Variants in PRPF3 observed in about 807,000 individuals in gnomAD.
PRPF3 encodes pre-mRNA processing factor 3.
In PRPF3, 3 loss-of-function variants were observed where a neutral mutation model predicts 89.2. The observed-to-expected ratio is 0.03, with a 90% confidence interval of 0.02 to 0.09. The LOEUF (loss-of-function observed/expected upper bound fraction) is 0.09, where lower values mean the gene tolerates loss of function less well. Among genes scored for constraint, PRPF3 ranks in the 10% least tolerant of loss-of-function variants. The probability of loss-of-function intolerance (pLI) is 1.00; values close to 1 mark genes in which losing one functional copy is unlikely to be tolerated. For synonymous variants in PRPF3, 270 were observed against 289.1 expected (o/e 0.93, Z 0.67); for missense variants, 463 against 828.8 (o/e 0.56, Z 5.42).
At chr1:150,344,301 C>T (rs1334127711) in intron 11 of PRPF3, 40 bp downstream of exon 11, 2 of 1,613,540 alleles carry the variant, frequency 1.2e-6, no homozygotes, top group African/African-American at 1.3e-5. Context: ...CGGGCAAGTA[C>T]CTTTCCCAAA....
intron 7 of PRPF3, 141 bp downstream of exon 7, chr1:150,335,382 C>T (rs1656852279): frequency 1.0e-6 from 1 of 994,102 alleles, no homozygotes; most frequent in South Asian, 1.4e-5. Context: ...GCACCAGGGA[C>T]TTGTTTCATG....
chr1:150,346,035 A>G lies in PRPF3; in HGVS notation c.1658A>G (p.Asn553Ser), dbSNP rs781938879. 3 of 1,614,126 alleles carry G rather than the reference A, an allele frequency of 1.9e-6. No homozygotes were observed. The South Asian group carries it at 3.3e-5, about 18-fold the overall frequency. Residue 553 changes from asparagine to serine, a missense_variant, in exon 13 of 16, where the codon AAC (asparagine) becomes AGC (serine). Coordinates refer to ENST00000324862, the MANE Select transcript of PRPF3 (RefSeq NM_004698.4). ...TTCTCCAGAGTTCGAAATTTGAGCA[A>G]CCCAGCCAAGAAGTTCAAGATTGAA... ...ISVYRVRNLS[N>S]PAKKFKIEAN...
chr1:150,345,674 A>G, intron 12 of PRPF3: 1 of 348,600 alleles, frequency 2.9e-6, no homozygotes, highest in Admixed American at 4.0e-5. Context: ...ATAAGAGTCT[A>G]AGGGTCTAGA....
rs1205858747 is a variant in PRPF3 at position 150,324,892 on chromosome 1, T to TTTTTA, written c.-48-3_-48-2insTTTTA. 8 of 1,580,224 alleles carry TTTTTA rather than the reference T, an allele frequency of 5.1e-6. No individual in the cohort carries two copies. Among genetic ancestry groups the TTTTTA allele is most frequent in the Non-Finnish European group, 6.9e-6 (8 of 1,164,126 alleles). ...CTCTAACTTGTCTCTTTTTTTTTTT[T>TTTTTA]AGGTGTAGTATTGAGTCCTGTTTGA... On this transcript the variant is annotated splice_region_variant and splice_polypyrimidine_tract_variant and intron_variant, in intron 1 of 15. Transcript: ENST00000324862.
At chr1:150,326,812 C>G (rs1441747054) in intron 3 of PRPF3, among the ~76,000 whole-genome samples, 1 of 152,110 alleles carries the variant, frequency 6.6e-6, no homozygotes, top group Non-Finnish European at 1.5e-5. Flanking sequence ...GCCTGTAATC[C>G]TAGCTACTTG....
At position 150,325,884 on chromosome 1, in the gene PRPF3, A is replaced by G; in HGVS notation, c.276+3A>G. ...GGAGCAGAAAACGAGAGCTAAAGGT[A>G]GGTTACAATTTACTGTCTAATGAGC... On this transcript the variant is annotated splice_donor_region_variant and intron_variant, in intron 3 of 15. Coordinates refer to ENST00000324862, the MANE Select transcript of PRPF3 (RefSeq NM_004698.4). 2 of 1,612,414 alleles carry G rather than the reference A, an allele frequency of 1.2e-6. No individual in the cohort carries two copies. The highest frequency in any genetic ancestry group is 1.7e-6 in the Non-Finnish European group (2 of 1,178,878).
chr1:150,325,916 C>G (rs781957039), intron 3 of PRPF3, 35 bp downstream of exon 3: 8 of 1,607,122 alleles, frequency 5.0e-6, no homozygotes, highest in Admixed American at 1.7e-5. Context: ...GAGCTCAGGA[C>G]TGTTTTGAAT....
At chr1:150,349,109 TA>T in intron 14 of PRPF3, 47 bp from the exon 15 acceptor site, 1 of 1,453,734 alleles carries the variant, frequency 6.9e-7, no homozygotes, top group Non-Finnish European at 9.7e-7. Flanking sequence ...ATTATTTGTT[TA>T]GAACCTGAAT....
chr1:150,333,292 C>G, intron 6 of PRPF3, 93 bp downstream of exon 6: 1 of 1,374,632 alleles, frequency 7.3e-7, no homozygotes, highest in Admixed American at 1.9e-5. Context: ...GGGCGCAGTG[C>G]CTCAGGCCTG....
intron 6 of PRPF3, among the ~76,000 whole-genome samples, chr1:150,333,483 C>A (rs1553866325): frequency 6.6e-6 from 1 of 152,156 alleles, no homozygotes; most frequent in Non-Finnish European, 1.5e-5. Flanking sequence ...AGGAGAATCG[C>A]TTGAACACAG....
In PRPF3 at chr1:150,343,424, G is replaced by A. The variant is rs1560112639; in HGVS notation, c.1398G>A (p.Leu466=). The change falls in exon 10 of 16, where the codon CTG becomes CTA. Residue 466 remains leucine (L), a synonymous_variant. Transcript: ENST00000324862. ...AQKELQEKVR[L]GLMPPPEPKV... ...AGGAACTACAAGAAAAAGTCAGGCT[G>A]GGCCTGATGCCTCCTCCAGAACCCA... is the stretch of plus-strand genomic sequence containing the variant. 1 of 1,605,348 alleles carries A rather than the reference G, an allele frequency of 6.2e-7. No homozygotes were observed. Among genetic ancestry groups the A allele is most frequent in the Non-Finnish European group, 8.5e-7 (1 of 1,173,944 alleles).
chr1:150,324,514 G>A (rs1655475907), intron 1 of PRPF3, among the ~76,000 whole-genome samples: 1 of 151,482 alleles, frequency 6.6e-6, no homozygotes, highest in Admixed American at 6.6e-5. Context: ...GCTGGGGAAT[G>A]CATTCCTGAT....
intron 1 of PRPF3, among the ~76,000 whole-genome samples, chr1:150,324,684 A>G (rs1215428443): frequency 2.0e-5 from 3 of 151,818 alleles, no homozygotes; most frequent in Non-Finnish European, 2.9e-5. Flanking sequence ...AGCTGGGATT[A>G]CAGGCACATG....
At chr1:150,352,098 T>C (rs1553874513) in intron 15 of PRPF3, among the ~76,000 whole-genome samples, 1 of 152,190 alleles carries the variant, frequency 6.6e-6, no homozygotes, top group Admixed American at 6.5e-5. Flanking sequence ...TCTGTTGTAA[T>C]TCTCTGCTGG....
intron 8 of PRPF3, among the ~76,000 whole-genome samples, chr1:150,338,999 G>A (rs1329019944): frequency 6.6e-6 from 1 of 151,848 alleles, no homozygotes; most frequent in Non-Finnish European, 1.5e-5. Flanking sequence ...ACGTATTATA[G>A]GTGTTTACAT....
At chr1:150,343,027 G>T (rs587642815) in intron 9 of PRPF3, 2 of 160,280 alleles carry the variant, frequency 1.2e-5, no homozygotes, top group South Asian at 3.9e-4. Flanking sequence ...TTTTATTGCT[G>T]TCCGGGCCTG....
chr1:150,338,473 A>AAATTGG, intron 8 of PRPF3, 147 bp downstream of exon 8: 1 of 789,978 alleles, frequency 1.3e-6, no homozygotes, highest in Non-Finnish European at 2.0e-6. Flanking sequence ...CAAGAGAGAT[A>AAATTGG]AGTAACTGTA....
At chr1:150,338,763 C>G (rs1368147371) in intron 8 of PRPF3, among the ~76,000 whole-genome samples, 3 of 152,092 alleles carry the variant, frequency 2.0e-5, no homozygotes, top group Non-Finnish European at 4.4e-5. Context: ...GATCCGCCCA[C>G]CTTAGCCTCC....
intron 6 of PRPF3, among the ~76,000 whole-genome samples, chr1:150,333,496 G>C (rs1381795528): frequency 2.0e-5 from 3 of 152,148 alleles, no homozygotes; most frequent in Non-Finnish European, 2.9e-5. Flanking sequence ...GAACACAGGA[G>C]GCAGAGGTTG....
Sources: allele counts gnomAD v4.1 joint callset (sites outside exome capture counted in the v4.1 genomes callset), GRCh38; gene constraint gnomAD v4.1.1; transcripts MANE v1.5; gene names NCBI Gene and HGNC (gene_info 2026-07-23, HGNC 2026-07-21).